Variants in TRIM36 observed in about 807,000 individuals in gnomAD.
TRIM36 encodes the protein E3 ubiquitin-protein ligase TRIM36.
A neutral mutation model predicts 72.4 loss-of-function variants in TRIM36; 42 were observed. The ratio of observed to expected loss-of-function variants is 0.58; its 90% CI spans 0.45 to 0.75. The LOEUF (loss-of-function observed/expected upper bound fraction) is 0.75, where lower values mean the gene tolerates loss of function less well. Ranked by LOEUF, TRIM36 falls within the 30% of genes least tolerant of loss-of-function variation. The pLI is 0.00. For missense variants in TRIM36, 913 were observed against 857.1 expected, an observed-to-expected ratio of 1.07 and a Z score of -0.81; for synonymous variants, 315 against 282.8, an observed-to-expected ratio of 1.11 and a Z score of -1.14.
intron 1 of TRIM36, chr5:115,169,158 G>A (rs7724952): frequency 0.032 from 5,144 of 160,570 alleles, 114 homozygotes; most frequent in Middle Eastern, 0.084. Context: ...AGGCGAAGCC[G>A]GGGAGGAGCC....
chr5:115,171,271 T>A (rs745374983), upstream of TRIM36: 27 of 1,609,692 alleles, frequency 1.7e-5, no homozygotes, highest in African/African-American at 3.6e-4. Context: ...ATAGCAATTT[T>A]CTCTAATGGA....
chr5:115,174,508 A>G (rs538562409), upstream of TRIM36, among the ~76,000 whole-genome samples: 29 of 152,302 alleles, frequency 1.9e-4, no homozygotes, highest in South Asian at 6.2e-4. Context: ...TTGTCTATCA[A>G]TTATTGACTC....
rs774764052 is a variant in TRIM36 at position 115,169,669 on chromosome 5, T to A, written c.-35A>T. On this transcript the variant is annotated 5_prime_UTR_variant, in exon 1 of 10. Transcript: ENST00000513154. ...CTGCCAGGTGTCATCAGCGGCACGT[T>A]CCACTCACACCGGCTACCGAGCGCA... is the stretch of plus-strand genomic sequence containing the variant. The A allele has an allele frequency of 1.3e-6, 2 of 1,517,530 alleles. No homozygotes were observed. Among genetic ancestry groups the A allele is most frequent in the South Asian group, 2.5e-5 (2 of 81,026 alleles). The allele number at this position is 1,517,530 out of a possible 1,614,324, so 94.0% of individuals were successfully genotyped here.
rs139856579 is a variant in TRIM36 at position 115,157,942 on chromosome 5, A to G, written c.262+5576T>C. On this transcript the variant is annotated intron_variant, in intron 2 of 9. Transcript: ENST00000513154. ...GATGCAAAGGCATAAGAATAACACA[A>G]TGGACTCTGGGGACTCAGGCAGAAA... is the stretch of plus-strand genomic sequence containing the variant. Among the ~76,000 whole-genome samples, 960 of 152,062 alleles carry G rather than the reference A, an allele frequency of 6.3e-3. 17 individuals carry two copies. The highest frequency in any genetic ancestry group is 0.021 in the African/African-American group (856 of 41,502).
chr5:115,137,731 A>G (rs2112801577), intron 5 of TRIM36, 115 bp from the exon 6 acceptor site: 2 of 1,192,482 alleles, frequency 1.7e-6, no homozygotes, highest in East Asian at 5.0e-5. Context: ...CTATGTGATG[A>G]CAGCATTATC....
At chr5:115,134,890 C>G (rs116154214) in intron 7 of TRIM36, among the ~76,000 whole-genome samples, 2 of 152,018 alleles carry the variant, frequency 1.3e-5, no homozygotes, top group African/African-American at 4.8e-5. Flanking sequence ...TGTAGAGTTG[C>G]AAAGCAAATT....
At chr5:115,156,018 G>C (rs1215880161) in intron 2 of TRIM36, among the ~76,000 whole-genome samples, 1 of 152,054 alleles carries the variant, frequency 6.6e-6, no homozygotes, top group Non-Finnish European at 1.5e-5. Context: ...CAGCGACCAA[G>C]CTGAGAATCA....
At chr5:115,169,259 G>A (rs932709994) in intron 1 of TRIM36, among the ~76,000 whole-genome samples, 1 of 152,214 alleles carries the variant, frequency 6.6e-6, no homozygotes, top group East Asian at 1.9e-4. Context: ...ACGCGCCCCA[G>A]CTTTCTGCCC....
chr5:115,178,367 C>T (rs945914743), intron 1 of TRIM36, among the ~76,000 whole-genome samples: 12 of 152,200 alleles, frequency 7.9e-5, no homozygotes, highest in Non-Finnish European at 1.6e-4. Context: ...CAAATAGATG[C>T]CCCTGTTAGG....
intron 2 of TRIM36, among the ~76,000 whole-genome samples, chr5:115,163,184 T>C (rs1173416021): frequency 1.3e-5 from 2 of 152,162 alleles, no homozygotes; most frequent in Non-Finnish European, 2.9e-5. Flanking sequence ...CTTGAACTCA[T>C]GACCTCAGGT....
chr5:115,169,909 G>C (rs935559244), upstream of TRIM36: 10 of 1,288,656 alleles, frequency 7.8e-6, no homozygotes, highest in African/African-American at 7.7e-5. Context: ...TGCGGACTGC[G>C]GCTGGGAACG....
Position 115,169,651 on chromosome 5 carries a change from G to A in TRIM36, c.-17C>T, listed in dbSNP as rs1248130734. On this transcript the variant is annotated 5_prime_UTR_variant, in exon 1 of 10. Coordinates refer to ENST00000513154, the MANE Select transcript of TRIM36 (RefSeq NM_001300759.2). Reference sequence around the variant, plus strand: ...GCCCTCCATGGCTGCCTTCTGCCAGGTGTCATCAGCGGCACGTTCCACTCA... The same window carrying A: ...GCCCTCCATGGCTGCCTTCTGCCAGATGTCATCAGCGGCACGTTCCACTCA... The A allele has an allele frequency of 2.0e-6, 3 of 1,521,250 alleles. No homozygotes were observed. Among genetic ancestry groups the A allele is most frequent in the Non-Finnish European group, 2.6e-6 (3 of 1,140,058 alleles). 94.2% of individuals were successfully genotyped at this position (1,521,250 alleles called of 1,614,324 possible). A position where few individuals can be genotyped will look rare whatever the true frequency, so the allele number is the denominator to read the frequency against.
chr5:115,164,906 G>A (rs1424006462), intron 1 of TRIM36, among the ~76,000 whole-genome samples: 1 of 152,206 alleles, frequency 6.6e-6, no homozygotes, highest in Non-Finnish European at 1.5e-5. Flanking sequence ...GGGTGTACAG[G>A]CATTGGACAA....
intron 2 of TRIM36, among the ~76,000 whole-genome samples, chr5:115,156,602 T>C (rs563917980): frequency 2.0e-5 from 3 of 152,300 alleles, no homozygotes; most frequent in Admixed American, 1.3e-4. Flanking sequence ...GCTGGGATAA[T>C]TGGCTAGCCA....
intron 2 of TRIM36, among the ~76,000 whole-genome samples, chr5:115,150,655 G>A (rs1753840103): frequency 6.6e-6 from 1 of 152,154 alleles, no homozygotes; most frequent in Non-Finnish European, 1.5e-5. Flanking sequence ...GGACCCACAG[G>A]CCCCCTGAAG....
chr5:115,129,210 T>A (rs1010836474), intron 9 of TRIM36, among the ~76,000 whole-genome samples: 4 of 152,192 alleles, frequency 2.6e-5, no homozygotes, highest in Admixed American at 1.3e-4. Context: ...AACAATGAAA[T>A]TGCCTTGCAA....
At chr5:115,171,520 A>G (rs529855263), upstream of TRIM36, among the ~76,000 whole-genome samples, 6 of 152,360 alleles carry the variant, frequency 3.9e-5, no homozygotes, top group South Asian at 2.1e-4. Context: ...AGAAAGCATT[A>G]TAAGTCTTTC....
intron 2 of TRIM36, among the ~76,000 whole-genome samples, chr5:115,152,497 A>T (rs1732853429): frequency 6.6e-6 from 1 of 152,230 alleles, no homozygotes; most frequent in Admixed American, 6.5e-5. Context: ...AGACCTAGAT[A>T]TCGAAATACA....
chr5:115,127,784 T>A (rs966292208), intron 9 of TRIM36, among the ~76,000 whole-genome samples: 1 of 152,214 alleles, frequency 6.6e-6, no homozygotes, highest in Non-Finnish European at 1.5e-5. Flanking sequence ...TTATTGTTAT[T>A]GTAGACTTAC....
Sources: gnomAD v4.1 joint callset for allele counts (sites outside exome capture counted in the v4.1 genomes callset) on GRCh38, gnomAD v4.1.1 for gene constraint, MANE v1.5 for transcripts, NCBI Gene and HGNC (gene_info 2026-07-23, HGNC 2026-07-21) for gene names.